The following TTC1 variants were observed in gnomAD, a reference collection of about 807,000 sequenced individuals.
TTC1 encodes tetratricopeptide repeat protein 1.
TTC1 carries 31 observed loss-of-function variants against 37.6 expected under a neutral mutation model. The observed-to-expected ratio is 0.82, with a 90% confidence interval of 0.62 to 1.11. The LOEUF is 1.11. TTC1 is among the 50% of genes most tolerant of loss of function. TTC1 has a pLI of 0.00. For missense variants in TTC1, 351 were observed against 339.0 expected (o/e 1.04, Z -0.28); for synonymous variants, 127 against 122.4 (o/e 1.04, Z -0.25).
intron 2 of TTC1, among the ~76,000 whole-genome samples, chr5:160,024,884 G>A (rs947953322): frequency 2.4e-4 from 36 of 151,430 alleles, no homozygotes; most frequent in African/African-American, 7.5e-4. Flanking sequence ...CCCAGGCTGG[G>A]GTGCAGTGGC....
intron 2 of TTC1, among the ~76,000 whole-genome samples, chr5:160,020,644 T>C (rs935631162): frequency 2.0e-5 from 3 of 152,216 alleles, no homozygotes; most frequent in Non-Finnish European, 4.4e-5. Context: ...TAGCATTAGA[T>C]TCTCGTAGGC....
rs1038538403 is a variant in TTC1, at chr5:160,010,837, C to T, written c.309C>T (p.Asn103=). Residue 103 remains asparagine, a synonymous_variant, in exon 2 of 8, where the codon AAC becomes AAT. Coordinates refer to ENST00000231238, the MANE Select transcript of TTC1 (RefSeq NM_003314.3). ...AATACCTAATAGAACTGGAAAAAAA[C>T]ATGTCGGATGAAGAGAAACAGGTAA... is the stretch of plus-strand genomic sequence containing the variant. The part of the protein sequence containing the change: ...DEEYLIELEK[N]MSDEEKQKRR... The T allele has an allele frequency of 1.2e-6, 2 of 1,612,450 alleles. No homozygotes were observed. The highest frequency in any genetic ancestry group is 1.7e-6 in the Non-Finnish European group (2 of 1,178,888).
chr5:160,034,758 A>G (rs1378045042), intron 2 of TTC1, among the ~76,000 whole-genome samples: 1 of 152,212 alleles, frequency 6.6e-6, no homozygotes, highest in Non-Finnish European at 1.5e-5. Flanking sequence ...CCACATAACT[A>G]GTAAGTACTA....
intron 2 of TTC1, among the ~76,000 whole-genome samples, chr5:160,014,226 C>T (rs547401763): frequency 3.3e-5 from 5 of 151,812 alleles, no homozygotes; most frequent in South Asian, 4.2e-4. Flanking sequence ...GGCCTGGTGG[C>T]GGGCTCCTGT....
At chr5:160,040,283 T>C (rs970745897) in intron 4 of TTC1, among the ~76,000 whole-genome samples, 36 of 151,462 alleles carry the variant, frequency 2.4e-4, no homozygotes, top group Admixed American at 5.3e-4. Flanking sequence ...CACACACACA[T>C]ACATATACCG....
At chr5:160,043,193 A>G in intron 5 of TTC1, 24 bp downstream of exon 5, 2 of 1,612,816 alleles carry the variant, frequency 1.2e-6, no homozygotes, top group Non-Finnish European at 1.7e-6. Flanking sequence ...ATCTTATTAC[A>G]TGTTAACATA....
intron 2 of TTC1, among the ~76,000 whole-genome samples, chr5:160,014,345 C>A: frequency 1.3e-5 from 2 of 151,246 alleles, no homozygotes; most frequent in East Asian, 2.0e-4. Flanking sequence ...GAGACAAGAG[C>A]AAAACTCCGT....
intron 6 of TTC1, 47 bp from the exon 7 acceptor site, chr5:160,051,082 G>GTTTTTTT: frequency 8.1e-7 from 1 of 1,236,524 alleles, no homozygotes; most frequent in Non-Finnish European, 1.1e-6. Context: ...AAAGGTTTTG[G>GTTTTTTT]TTTTTTTTTT....
intron 7 of TTC1, among the ~76,000 whole-genome samples, chr5:160,053,556 C>T (rs967663316): frequency 4.6e-5 from 7 of 151,890 alleles, no homozygotes; most frequent in African/African-American, 1.7e-4. Context: ...AGAGTGAGAC[C>T]TTGTCTTTAA....
chr5:160,015,779 C>A (rs774844899), intron 2 of TTC1, among the ~76,000 whole-genome samples: 12 of 152,192 alleles, frequency 7.9e-5, no homozygotes, highest in Non-Finnish European at 1.5e-4. Flanking sequence ...CCTGTGCTAA[C>A]CATTCAGTCG....
intron 2 of TTC1, among the ~76,000 whole-genome samples, chr5:160,030,916 A>G (rs1403481514): frequency 6.6e-6 from 1 of 152,208 alleles, no homozygotes; most frequent in Non-Finnish European, 1.5e-5. Flanking sequence ...TTCCTCTGAT[A>G]GTGCTGCAGA....
chr5:160,050,627 CTT>C (rs546426067), intron 6 of TTC1, among the ~76,000 whole-genome samples: 383 of 109,308 alleles, frequency 3.5e-3, no homozygotes, highest in Non-Finnish European at 4.7e-3. Flanking sequence ...CCAAACAAAA[CTT>C]TTTTTTTTTT....
intron 2 of TTC1, among the ~76,000 whole-genome samples, chr5:160,028,235 C>G (rs937374710): frequency 1.3e-5 from 2 of 148,312 alleles, no homozygotes; most frequent in Non-Finnish European, 3.0e-5. Flanking sequence ...GGAGGCGGAG[C>G]TTGCAGTGAG....
chr5:160,027,929 A>T (rs1006181610), intron 2 of TTC1, among the ~76,000 whole-genome samples: 10 of 152,006 alleles, frequency 6.6e-5, no homozygotes, highest in Non-Finnish European at 1.3e-4. Context: ...TCAGATGTAG[A>T]TCTTCTATTC....
At chr5:160,021,240 A>T (rs942695536) in intron 2 of TTC1, among the ~76,000 whole-genome samples, 2 of 152,208 alleles carry the variant, frequency 1.3e-5, no homozygotes, top group African/African-American at 4.8e-5. Context: ...GGTAATTTTG[A>T]TATAGGAAGA....
chr5:160,010,998 T>G (rs1756493075), intron 2 of TTC1, 140 bp downstream of exon 2: 1 of 803,140 alleles, frequency 1.2e-6, no homozygotes, highest in Non-Finnish European at 1.9e-6. Context: ...TAGTGTTGGA[T>G]CTGAGATAAA....
At chr5:160,052,191 A>G (rs1757419138) in intron 7 of TTC1, among the ~76,000 whole-genome samples, 1 of 152,140 alleles carries the variant, frequency 6.6e-6, no homozygotes, top group Admixed American at 6.5e-5. Context: ...GGGATGGGGG[A>G]GCTTTTCCCC....
chr5:160,043,155 A>G lies in TTC1; in HGVS notation c.527A>G (p.Asn176Ser). The G allele has an allele frequency of 6.2e-7, 1 of 1,613,518 alleles. No homozygotes were observed. The highest frequency in any genetic ancestry group is 8.5e-7 in the Non-Finnish European group (1 of 1,179,736). The change falls in exon 5 of 8, where the codon AAT becomes AGT. Residue 176 changes from asparagine to serine, a missense_variant. Transcript: ENST00000231238. ...TAGGACAAGAAAGAAATGGCCATCA[A>G]TGACTGCAGCAAAGGTACAGCTTTA... The part of the protein sequence containing the change: ...MKQDKKEMAI[N>S]DCSKAIQLNP...
Position 160,035,197 on chromosome 5 carries a change from G to A in TTC1, c.388G>A (p.Gly130Arg). 6.2e-7 allele frequency: 1 copy of A among 1,604,586 alleles called. No homozygotes were observed. ...GGAGGGAAATGAACAGTTTAAGAAA[G>A]GAGGTAAGACGACTTTCAGCACTGA... Reference protein sequence around the residue: ...KEEGNEQFKKGDYIEAESSYS... With the variant: ...KEEGNEQFKKRDYIEAESSYS... The change falls in exon 3 of 8, where the codon GGA becomes AGA. Residue 130 changes from glycine to arginine, a missense_variant. Transcript: ENST00000231238.
Sources: allele counts gnomAD v4.1 joint callset (sites outside exome capture counted in the v4.1 genomes callset), GRCh38; gene constraint gnomAD v4.1.1; transcripts MANE v1.5; gene names NCBI Gene and HGNC (gene_info 2026-07-23, HGNC 2026-07-21).